Variants in RBFOX1 observed in about 807,000 individuals in gnomAD.
The protein encoded by RBFOX1 is RNA binding fox-1 homolog 1.
In RBFOX1, 8 loss-of-function variants were observed where a neutral mutation model predicts 57.7. That is an observed-to-expected ratio of 0.14 (90% confidence interval 0.08 to 0.25). RBFOX1 has a LOEUF of 0.25. RBFOX1 is among the 10% of genes least tolerant of loss of function. The pLI is 1.00. For missense variants in RBFOX1, 611 were observed against 548.5 expected (o/e 1.11, Z -1.14); for synonymous variants, 326 against 222.4 (o/e 1.47, Z -4.15).
At chr16:7,699,163 C>T (rs1376067307) in intron 14 of RBFOX1, among the ~76,000 whole-genome samples, 1 of 152,130 alleles carries the variant, frequency 6.6e-6, no homozygotes, top group Admixed American at 6.5e-5. Flanking sequence ...AGACCTCACA[C>T]CTTGGGACAC....
intron 4 of RBFOX1, among the ~76,000 whole-genome samples, chr16:7,393,801 C>T (rs899748914): frequency 1.3e-5 from 2 of 152,194 alleles, no homozygotes; most frequent in Non-Finnish European, 2.9e-5. Flanking sequence ...CTCCAGGCAT[C>T]TCTGGCTAAG....
At chr16:5,473,910 G>A (rs76477090) in intron 2 of RBFOX1, among the ~76,000 whole-genome samples, 2 of 147,382 alleles carry the variant, frequency 1.4e-5, no homozygotes, top group East Asian at 2.1e-4. Context: ...ATGGAATGAA[G>A]GAAGGAAGGG....
In RBFOX1 at chr16:5,738,204, G is replaced by T. The variant is rs564788441; in HGVS notation, c.319-129099G>T. Among the ~76,000 whole-genome samples, 13 of 152,224 alleles carry T rather than the reference G, an allele frequency of 8.5e-5. No homozygotes were observed. The South Asian group carries it at 1.7e-3, about 19-fold the overall frequency. On this transcript the variant is annotated intron_variant, in intron 3 of 19. Coordinates refer to the RBFOX1 transcript ENST00000641259. ...TATTTATACATATTCATGAAAGTAC[G>T]TATGAAACTTTGTCACATGCAGAGA...
intron 3 of RBFOX1, among the ~76,000 whole-genome samples, chr16:6,890,979 G>A (rs1419959347): frequency 1.3e-5 from 2 of 152,158 alleles, no homozygotes; most frequent in Admixed American, 6.5e-5. Context: ...GGAGTCACCT[G>A]GTTCTTTGTG....
At chr16:7,580,270 C>A (rs748774306) in intron 6 of RBFOX1, among the ~76,000 whole-genome samples, 2 of 152,146 alleles carry the variant, frequency 1.3e-5, no homozygotes, top group Non-Finnish European at 2.9e-5. Flanking sequence ...AAATACACAT[C>A]GAGTCCTCTT....
intron 3 of RBFOX1, among the ~76,000 whole-genome samples, chr16:5,817,653 T>C (rs567949965): frequency 2.5e-4 from 38 of 150,458 alleles, no homozygotes; most frequent in African/African-American, 8.8e-4. Flanking sequence ...AAGATGGGGC[T>C]GGAGATGCCG....
At chr16:5,555,159 G>A (rs763699292) in intron 2 of RBFOX1, among the ~76,000 whole-genome samples, 8 of 152,200 alleles carry the variant, frequency 5.3e-5, no homozygotes, top group Non-Finnish European at 7.3e-5. Flanking sequence ...GCTACCCTCC[G>A]CTATGGATGT....
intron 1 of RBFOX1, among the ~76,000 whole-genome samples, chr16:6,274,781 A>G (rs2075615443): frequency 2.0e-5 from 3 of 152,204 alleles, no homozygotes; most frequent in Admixed American, 1.3e-4. Flanking sequence ...TTTAAAAGGG[A>G]CATTTATGAT....
intron 4 of RBFOX1, among the ~76,000 whole-genome samples, chr16:7,376,872 C>A (rs1486642680): frequency 6.6e-6 from 1 of 152,058 alleles, no homozygotes; most frequent in East Asian, 1.9e-4. Flanking sequence ...ATAAAACTTC[C>A]CTACCAGTGT....
chr16:5,414,976 T>G (rs547212388), intron 1 of RBFOX1, among the ~76,000 whole-genome samples: 2 of 152,164 alleles, frequency 1.3e-5, no homozygotes. Flanking sequence ...TCATAACTTA[T>G]AGTTTTTGTG....
chr16:5,425,611 C>T (rs1425294519), intron 1 of RBFOX1, among the ~76,000 whole-genome samples: 2 of 152,182 alleles, frequency 1.3e-5, no homozygotes, highest in African/African-American at 2.4e-5. Flanking sequence ...AAAGAGAGAA[C>T]GTGTCCTTTC....
At chr16:6,931,153 A>G (rs992547485) in intron 3 of RBFOX1, among the ~76,000 whole-genome samples, 10 of 152,128 alleles carry the variant, frequency 6.6e-5, no homozygotes, top group Admixed American at 6.6e-4. Context: ...TTCAGAACAC[A>G]TTGACCTTTC....
chr16:6,665,675 C>G (rs1231643034), intron 3 of RBFOX1, among the ~76,000 whole-genome samples: 1 of 150,158 alleles, frequency 6.7e-6, no homozygotes, highest in South Asian at 2.1e-4. Context: ...GAAACCTTGA[C>G]TGATATTTTT....
chr16:6,990,158 A>G (rs1036890224), intron 3 of RBFOX1, among the ~76,000 whole-genome samples: 5 of 152,234 alleles, frequency 3.3e-5, no homozygotes, highest in African/African-American at 1.2e-4. Flanking sequence ...GTAGGGATTC[A>G]GTAAGTATGT....
intron 3 of RBFOX1, among the ~76,000 whole-genome samples, chr16:5,668,726 C>A (rs901630557): frequency 2.6e-5 from 4 of 152,182 alleles, no homozygotes; most frequent in African/African-American, 9.7e-5. Context: ...CAGCAGGCTC[C>A]TCCTCTCCTC....
intron 10 of RBFOX1, among the ~76,000 whole-genome samples, chr16:7,613,900 A>G (rs183057278): frequency 1.3e-5 from 2 of 152,296 alleles, no homozygotes; most frequent in East Asian, 1.9e-4. Flanking sequence ...AGTTTGCTCT[A>G]TTTTATTCAG....
chr16:7,708,873 A>C (rs1195656251), intron 14 of RBFOX1, among the ~76,000 whole-genome samples, 183 bp from the exon 15 acceptor site: 1 of 152,174 alleles, frequency 6.6e-6, no homozygotes, highest in Non-Finnish European at 1.5e-5. Context: ...ACCATGTTAA[A>C]TGCACAAAAA....
At chr16:5,372,828 C>T (rs140383021) in intron 1 of RBFOX1, among the ~76,000 whole-genome samples, 2 of 152,246 alleles carry the variant, frequency 1.3e-5, no homozygotes, top group African/African-American at 4.8e-5. Context: ...ACAATACCAT[C>T]TCATGATCCT....
intron 4 of RBFOX1, among the ~76,000 whole-genome samples, chr16:7,278,336 G>C (rs2095479618): frequency 6.6e-6 from 1 of 152,184 alleles, no homozygotes; most frequent in Non-Finnish European, 1.5e-5. Context: ...AGTGTCTCTA[G>C]ATGGTGAAGT....
Sources: gnomAD v4.1 joint callset for allele counts (sites outside exome capture counted in the v4.1 genomes callset) on GRCh38, gnomAD v4.1.1 for gene constraint, MANE v1.5 for transcripts, NCBI Gene and HGNC (gene_info 2026-07-23, HGNC 2026-07-21) for gene names.